The following MYO1E variants were observed in gnomAD, a reference collection of about 807,000 sequenced individuals.
MYO1E encodes the protein myosin IE.
MYO1E carries 68 observed loss-of-function variants against 151.1 expected under a neutral mutation model. The observed-to-expected ratio is 0.45, with a 90% confidence interval of 0.37 to 0.55. The LOEUF (loss-of-function observed/expected upper bound fraction) is 0.55. Ranked by LOEUF, MYO1E falls within the 20% of genes least tolerant of loss-of-function variation. The probability of loss-of-function intolerance (pLI) is 0.00; values close to 1 mark genes in which losing one functional copy is unlikely to be tolerated. For missense variants in MYO1E, 1,363 were observed against 1,389.3 expected (o/e 0.98, Z 0.30); for synonymous variants, 601 against 501.7 (o/e 1.20, Z -2.64).
At chr15:59,165,499 C>T (rs2079558776) in intron 22 of MYO1E, among the ~76,000 whole-genome samples, 1 of 152,196 alleles carries the variant, frequency 6.6e-6, no homozygotes, top group South Asian at 2.1e-4. Context: ...ATGCTTCTTG[C>T]CCACTCCTGT....
chr15:59,231,600 GATAT>G (rs748495592), intron 6 of MYO1E, 98 bp downstream of exon 6: 139 of 1,226,916 alleles, frequency 1.1e-4, no homozygotes, highest in Middle Eastern at 5.6e-4. Flanking sequence ...GCCTCCTGAT[GATAT>G]GTGAAAGGCT....
intron 1 of MYO1E, among the ~76,000 whole-genome samples, chr15:59,371,772 C>G (rs2140448118): frequency 6.6e-6 from 1 of 152,036 alleles, no homozygotes; most frequent in African/African-American, 2.4e-5. Flanking sequence ...GAGGTGTTTA[C>G]TTGGCGTCCG....
At chr15:59,262,110 G>T (rs1210512730) in intron 2 of MYO1E, among the ~76,000 whole-genome samples, 1 of 152,122 alleles carries the variant, frequency 6.6e-6, no homozygotes, top group Middle Eastern at 3.2e-3. Flanking sequence ...AGGAGGCTGA[G>T]GCAGGAGAAT....
chr15:59,228,087 C>G (rs1268158795), intron 6 of MYO1E, among the ~76,000 whole-genome samples: 1 of 152,140 alleles, frequency 6.6e-6, no homozygotes, highest in South Asian at 2.1e-4. Context: ...GGATTTTTGT[C>G]ACTGTCATTG....
chr15:59,205,241 C>T (rs1017572593), intron 15 of MYO1E, among the ~76,000 whole-genome samples, 159 bp downstream of exon 15: 1 of 152,128 alleles, frequency 6.6e-6, no homozygotes, highest in Non-Finnish European at 1.5e-5. Flanking sequence ...CAGCTCAGTG[C>T]AGCCTCAAAC....
intron 10 of MYO1E, among the ~76,000 whole-genome samples, chr15:59,215,572 GAATGTAAGCGAACAATTC>G (rs2079908424): frequency 6.6e-6 from 1 of 152,146 alleles, no homozygotes; most frequent in Admixed American, 6.5e-5. Context: ...AGTGGGGGAG[GAATGTAAGCGAACAATTC>G]TTTGAGGTGA....
chr15:59,204,212 A>C (rs2079818875), intron 15 of MYO1E, among the ~76,000 whole-genome samples: 1 of 152,230 alleles, frequency 6.6e-6, no homozygotes, highest in Non-Finnish European at 1.5e-5. Flanking sequence ...AAAGAAATGC[A>C]AAATCTCAGA....
chr15:59,171,847 G>A (rs1216633043), intron 22 of MYO1E, 50 bp downstream of exon 22: 5 of 1,612,814 alleles, frequency 3.1e-6, no homozygotes, highest in Non-Finnish European at 4.2e-6. Flanking sequence ...AGCGGACCGT[G>A]ATGCTGAGGC....
At chr15:59,173,626 T>C (rs1222207275) in intron 21 of MYO1E, 120 bp downstream of exon 21, 6 of 1,268,158 alleles carry the variant, frequency 4.7e-6, no homozygotes, top group Non-Finnish European at 6.8e-6. Flanking sequence ...TACTGTATTT[T>C]CTCTAAATTT....
chr15:59,299,297 T>C (rs1169300924), intron 1 of MYO1E, among the ~76,000 whole-genome samples: 1 of 152,194 alleles, frequency 6.6e-6, no homozygotes, highest in Non-Finnish European at 1.5e-5. Flanking sequence ...GGTAGTGCCC[T>C]CCAAAATTCC....
At chr15:59,243,106 T>TTTTC (rs1355556950) in intron 4 of MYO1E, among the ~76,000 whole-genome samples, 30 of 150,910 alleles carry the variant, frequency 2.0e-4, no homozygotes, top group Non-Finnish European at 3.0e-5. Flanking sequence ...CTGCTTTTTT[T>TTTTC]TTTTTTTTTC....
chr15:59,299,148 T>C (rs1567007581), intron 1 of MYO1E, among the ~76,000 whole-genome samples: 1 of 152,194 alleles, frequency 6.6e-6, no homozygotes, highest in Admixed American at 6.5e-5. Context: ...GGTATGTGTG[T>C]AGGTTCGTGA....
At chr15:59,236,364 ATATATACACACACACACAC>A (rs2080064264) in intron 5 of MYO1E, among the ~76,000 whole-genome samples, 1 of 48,544 alleles carries the variant, frequency 2.1e-5, no homozygotes, top group Non-Finnish European at 4.1e-5. Flanking sequence ...AAAAAAAAAA[ATATATACACACACACACAC>A]ACACACACAC....
At position 59,331,506 on chromosome 15, in the gene MYO1E, C is replaced by T. The variant is rs532253542; in HGVS notation, c.3+40992G>A. ...GGAGAGGTAGAACAATATATACAAA[C>T]GGCAAGAAAAAGATCAGATAGACTC... On this transcript the variant is annotated intron_variant, in intron 1 of 27. Coordinates refer to ENST00000288235, the MANE Select transcript of MYO1E (RefSeq NM_004998.4). Among the ~76,000 whole-genome samples, 187 of 152,224 alleles carry T rather than the reference C, an allele frequency of 1.2e-3. 1 individual carries two copies. The highest frequency in any genetic ancestry group is 4.2e-3 in the African/African-American group (176 of 41,538).
intron 1 of MYO1E, among the ~76,000 whole-genome samples, chr15:59,299,459 C>T (rs1190089944): frequency 1.3e-5 from 2 of 152,160 alleles, no homozygotes; most frequent in African/African-American, 2.4e-5. Context: ...AATCATTTCA[C>T]CTAGTCAACA....
At chr15:59,242,316 G>A (rs1254164736) in intron 4 of MYO1E, among the ~76,000 whole-genome samples, 3 of 152,172 alleles carry the variant, frequency 2.0e-5, no homozygotes, top group African/African-American at 4.8e-5. Flanking sequence ...CAAACTGGGC[G>A]TGGAACATAT....
intron 16 of MYO1E, among the ~76,000 whole-genome samples, chr15:59,200,379 T>C (rs2079793717): frequency 6.6e-6 from 1 of 152,216 alleles, no homozygotes; most frequent in Admixed American, 6.5e-5. Flanking sequence ...TTCATTTGTT[T>C]TCTGCCTTCA....
chr15:59,244,585 A>G (rs1175223174), intron 4 of MYO1E, among the ~76,000 whole-genome samples: 1 of 152,198 alleles, frequency 6.6e-6, no homozygotes, highest in Non-Finnish European at 1.5e-5. Context: ...GTGGTAATGG[A>G]TTATTAACCA....
intron 26 of MYO1E, among the ~76,000 whole-genome samples, chr15:59,152,100 G>A (rs1400926489): frequency 1.3e-5 from 2 of 151,836 alleles, no homozygotes; most frequent in Admixed American, 6.6e-5. Context: ...GTGGTGGTGC[G>A]TGCCTGTAAT....
Sources: gnomAD v4.1 joint callset for allele counts (sites outside exome capture counted in the v4.1 genomes callset) on GRCh38, gnomAD v4.1.1 for gene constraint, MANE v1.5 for transcripts, NCBI Gene and HGNC (gene_info 2026-07-23, HGNC 2026-07-21) for gene names.